LNX1: variants seen among roughly 807,000 people sequenced by gnomAD.
The protein encoded by LNX1 is ligand of numb-protein X 1.
LNX1 carries 54 observed loss-of-function variants against 68.4 expected under a neutral mutation model. The observed-to-expected ratio is 0.79, with a 90% CI of 0.63 to 0.99. The LOEUF is 0.99. LNX1 is among the 50% of genes least tolerant of loss of function. LNX1 has a pLI of 0.00. For synonymous variants in LNX1, 336 were observed against 350.0 expected (o/e 0.96, Z 0.45); for missense variants, 906 against 926.4 (o/e 0.98, Z 0.29).
Position 53,481,740 on chromosome 4 carries a change from C to T in LNX1, c.1465G>A (p.Glu489Lys). Reference protein sequence around the residue: ...SNGSWSPGPGERSNTPKPLHP... With the variant: ...SNGSWSPGPGKRSNTPKPLHP... Reference sequence around the variant, plus strand: ...CTCACCTTGGGAGTGTTGCTCCTCTCCCCTGGCCCTGGGGACCAGCTGCCA... The same window carrying T: ...CTCACCTTGGGAGTGTTGCTCCTCTTCCCTGGCCCTGGGGACCAGCTGCCA... The change falls in exon 7 of 11, where the codon GAG (glutamate) becomes AAG (lysine). Residue 489 changes from glutamate to lysine, a missense_variant. Coordinates refer to ENST00000263925, the MANE Select transcript of LNX1 (RefSeq NM_001126328.3). 6.2e-7 allele frequency: 1 copy of T among 1,613,776 alleles called. No homozygotes were observed. Among genetic ancestry groups the T allele is most frequent in the Non-Finnish European group, 8.5e-7 (1 of 1,179,812 alleles).
At chr4:53,463,732 G>C (rs1329777030) in intron 9 of LNX1, among the ~76,000 whole-genome samples, 1 of 152,084 alleles carries the variant, frequency 6.6e-6, no homozygotes, top group Non-Finnish European at 1.5e-5. Flanking sequence ...TTAATGAAAT[G>C]AGTTAATGAG....
chr4:53,576,453 A>C lies in LNX1; in HGVS notation c.-86-2365T>G. ...GGCACCTCAGATGGTGCCAAAGTGC[A>C]GCTGACTCTTCCCAGGACAGCCCTG... On this transcript the variant is annotated intron_variant, in intron 1 of 10. Transcript: ENST00000263925. 7 of 1,406,830 alleles carry C rather than the reference A, an allele frequency of 5.0e-6. No individual in the cohort carries two copies. In the South Asian group the frequency reaches 5.6e-5, roughly 11 times the overall value. 87.1% of individuals were successfully genotyped at this position (1,406,830 alleles called of 1,614,324 possible). A position where few individuals can be genotyped will look rare whatever the true frequency, so the allele number is the denominator to read the frequency against.
At chr4:53,487,404 T>C (rs531726475) in intron 6 of LNX1, among the ~76,000 whole-genome samples, 4 of 152,362 alleles carry the variant, frequency 2.6e-5, no homozygotes, top group Non-Finnish European at 4.4e-5. Context: ...TATAGGTATA[T>C]GCTTAAGTAA....
intron 1 of LNX1, among the ~76,000 whole-genome samples, chr4:53,575,251 G>A (rs1731411231): frequency 6.6e-6 from 1 of 152,142 alleles, no homozygotes; most frequent in Admixed American, 6.6e-5. Context: ...CAAAGTGCTG[G>A]GATTACAGGT....
At chr4:53,503,205 T>G (rs1185771209) in intron 4 of LNX1, among the ~76,000 whole-genome samples, 2 of 152,224 alleles carry the variant, frequency 1.3e-5, no homozygotes, top group Non-Finnish European at 2.9e-5. Flanking sequence ...CTCCTGTTAA[T>G]GTTGATATTT....
chr4:53,478,446 A>G, intron 8 of LNX1, 119 bp downstream of exon 8: 1 of 878,708 alleles, frequency 1.1e-6, no homozygotes, highest in East Asian at 2.7e-5. Context: ...GGGTAACAAA[A>G]GTCCTGGCCG....
intron 2 of LNX1, chr4:53,603,686 G>C (rs1733111775): frequency 6.6e-6 from 1 of 152,224 alleles, no homozygotes; most frequent in East Asian, 1.9e-4. Context: ...ACCACGTCTT[G>C]CAAGAACTCA....
At chr4:53,529,680 G>A (rs1727882240) in intron 2 of LNX1, among the ~76,000 whole-genome samples, 1 of 152,176 alleles carries the variant, frequency 6.6e-6, no homozygotes, top group South Asian at 2.1e-4. Context: ...GAGAGAGTCA[G>A]GAGGAGGTGT....
intron 1 of LNX1, among the ~76,000 whole-genome samples, chr4:53,587,975 CT>C (rs1732279265): frequency 6.6e-6 from 1 of 152,174 alleles, no homozygotes; most frequent in Non-Finnish European, 1.5e-5. Flanking sequence ...TCTTTTTTTG[CT>C]CAGTCTTTGG....
intron 9 of LNX1, among the ~76,000 whole-genome samples, chr4:53,471,552 G>C (rs563542894): frequency 6.6e-6 from 1 of 152,182 alleles, no homozygotes; most frequent in East Asian, 1.9e-4. Context: ...GAGTGAACAG[G>C]CAACCTACAG....
At chr4:53,575,937 C>T (rs1357736445) in intron 1 of LNX1, 2 of 1,566,024 alleles carry the variant, frequency 1.3e-6, no homozygotes, top group Non-Finnish European at 1.7e-6. Context: ...GGGTCAGCAC[C>T]AACCTGCCGC....
Position 53,496,286 on chromosome 4 carries a change from T to C in LNX1, c.1087A>G (p.Ser363Gly), listed in dbSNP as rs755981130. 7.4e-6 allele frequency: 12 copies of C among 1,614,180 alleles called. No homozygotes were observed. The highest frequency in any genetic ancestry group is 1.0e-5 in the Non-Finnish European group (12 of 1,180,036). The change falls in exon 6 of 11, where the codon AGC becomes GGC. Residue 363 changes from serine to glycine, a missense_variant. Coordinates refer to ENST00000263925, the MANE Select transcript of LNX1 (RefSeq NM_001126328.3). The part of the protein sequence containing the change: ...LTVMREQKFR[S>G]RNNGQAPDAY... ...TCCGGGGCCTGTCCATTGTTCCTGCTGCGGAACTTCTGTTCACGCATCACA... is the reference window on the plus strand; with the variant it reads ...TCCGGGGCCTGTCCATTGTTCCTGCCGCGGAACTTCTGTTCACGCATCACA...
chr4:53,521,628 T>G (rs151067002), intron 2 of LNX1, among the ~76,000 whole-genome samples: 5 of 152,188 alleles, frequency 3.3e-5, no homozygotes, highest in African/African-American at 1.2e-4. Context: ...TCCCTCCCAA[T>G]ATATTTAAAA....
At chr4:53,601,914 C>T (rs1001723375) in intron 2 of LNX1, among the ~76,000 whole-genome samples, 18 of 152,290 alleles carry the variant, frequency 1.2e-4, no homozygotes, top group Middle Eastern at 3.4e-3. Flanking sequence ...TGCATCCCCT[C>T]TTCTGCATAC....
chr4:53,487,029 C>T (rs1014294573), intron 6 of LNX1, among the ~76,000 whole-genome samples: 1 of 152,212 alleles, frequency 6.6e-6, no homozygotes, highest in African/African-American at 2.4e-5. Flanking sequence ...AAGCATCTTC[C>T]TTTGTGTTCA....
At chr4:53,576,214 C>T (rs1186078969) in intron 1 of LNX1, 12 of 1,599,676 alleles carry the variant, frequency 7.5e-6, no homozygotes, top group Admixed American at 1.7e-5. Flanking sequence ...CACCAGTGCC[C>T]TGGCTCGCTT....
chr4:53,553,752 T>C (rs1276446297), intron 2 of LNX1, among the ~76,000 whole-genome samples: 2 of 152,172 alleles, frequency 1.3e-5, no homozygotes, highest in Non-Finnish European at 2.9e-5. Context: ...CATGCCCTGA[T>C]CTATGGATTG....
At chr4:53,581,697 G>C (rs372666873) in intron 1 of LNX1, among the ~76,000 whole-genome samples, 1 of 152,024 alleles carries the variant, frequency 6.6e-6, no homozygotes, top group Non-Finnish European at 1.5e-5. Flanking sequence ...GGAAAAACCC[G>C]CCCCCATGAT....
intron 2 of LNX1, among the ~76,000 whole-genome samples, chr4:53,560,781 C>T (rs1158107077): frequency 6.6e-6 from 1 of 152,176 alleles, no homozygotes; most frequent in East Asian, 1.9e-4. Flanking sequence ...GGCTTCCTAC[C>T]CTTAGACTTT....
Sources: allele counts gnomAD v4.1 joint callset (sites outside exome capture counted in the v4.1 genomes callset), GRCh38; gene constraint gnomAD v4.1.1; transcripts MANE v1.5; gene names NCBI Gene and HGNC (gene_info 2026-07-23, HGNC 2026-07-21).